TP63: variants seen among roughly 807,000 people sequenced by gnomAD.
TP63 encodes tumor protein p63, also known as tumor protein 63.
TP63 carries 17 observed loss-of-function variants against 82.8 expected under a neutral mutation model. The observed-to-expected ratio is 0.21, with a 90% CI of 0.14 to 0.31. TP63 has a LOEUF of 0.31. TP63 is among the 10% of genes least tolerant of loss of function. The pLI, the probability that TP63 is intolerant of heterozygous loss-of-function variation, is 1.00. For synonymous variants in TP63, 330 were observed against 321.7 expected (o/e 1.03, Z -0.28); for missense variants, 648 against 895.3 (o/e 0.72, Z 3.52).
intron 1 of TP63, among the ~76,000 whole-genome samples, chr3:189,734,161 TCCC>T (rs1560143789): frequency 3.0e-5 from 2 of 65,912 alleles, no homozygotes; most frequent in Admixed American, 1.7e-4. Context: ...CCTCCCTCCC[TCCC>T]TCCCTTCTTT....
chr3:189,765,499 G>GA (rs1340759387), intron 3 of TP63, among the ~76,000 whole-genome samples: 1 of 127,418 alleles, frequency 7.8e-6, no homozygotes, highest in Non-Finnish European at 1.6e-5. Context: ...GCAGTGGGGG[G>GA]ATCTTGGCTC....
chr3:189,839,069 A>AAGAAAAAGTAGATTTAAGTATACCAATG (rs1713599625), intron 4 of TP63, among the ~76,000 whole-genome samples: 1 of 151,404 alleles, frequency 6.6e-6, no homozygotes, highest in Non-Finnish European at 1.5e-5. Context: ...AAAAAAGAAA[A>AAGAAAAAGTAGATTTAAGTATACCAATG]AGAAAAAGTA....
chr3:189,627,877 G>A (rs1343469318), upstream of TP63, among the ~76,000 whole-genome samples: 4 of 152,144 alleles, frequency 2.6e-5, no homozygotes, highest in Admixed American at 2.6e-4. Flanking sequence ...TTCATTGTAT[G>A]TAAATTATAC....
At chr3:189,716,362 T>G (rs993559478) in intron 1 of TP63, among the ~76,000 whole-genome samples, 1 of 152,204 alleles carries the variant, frequency 6.6e-6, no homozygotes, top group Non-Finnish European at 1.5e-5. Context: ...CCATAAAATT[T>G]GTTTAGATTC....
chr3:189,698,966 A>G (rs559844335), intron 1 of TP63, among the ~76,000 whole-genome samples: 2 of 152,298 alleles, frequency 1.3e-5, no homozygotes, highest in South Asian at 2.1e-4. Context: ...CATGAATGCA[A>G]GTATATTGAG....
intron 10 of TP63, among the ~76,000 whole-genome samples, chr3:189,875,844 A>G (rs1045045849): frequency 2.6e-5 from 4 of 151,410 alleles, no homozygotes; most frequent in African/African-American, 9.7e-5. Flanking sequence ...ATAAAAAGCA[A>G]CACCAGCCTT....
intron 3 of TP63, among the ~76,000 whole-genome samples, chr3:189,787,519 T>G (rs200805630): frequency 1.0e-5 from 1 of 97,040 alleles, no homozygotes; most frequent in Non-Finnish European, 2.8e-5. Flanking sequence ...CCAGAATCTT[T>G]GTAGATATGT....
the TP63 span, among the ~76,000 whole-genome samples, chr3:189,604,934 C>T: frequency 6.6e-6 from 1 of 152,158 alleles, no homozygotes; most frequent in Admixed American, 6.5e-5. Context: ...AAAGAAGTGG[C>T]AGGGCTTTCT....
chr3:189,645,469 A>AT (rs147789307), intron 1 of TP63: 83 of 235,182 alleles, frequency 3.5e-4, no homozygotes, highest in East Asian at 4.6e-4. Context: ...TCTTTTTTAA[A>AT]TTTTTTTTTA....
chr3:189,768,118 C>G (rs939194011), intron 3 of TP63, among the ~76,000 whole-genome samples: 2 of 152,058 alleles, frequency 1.3e-5, no homozygotes, highest in African/African-American at 4.8e-5. Context: ...AATAACTAAC[C>G]ATCTCTAGGT....
At chr3:189,667,036 A>AC (rs1714451934) in intron 1 of TP63, among the ~76,000 whole-genome samples, 1 of 151,754 alleles carries the variant, frequency 6.6e-6, no homozygotes, top group Non-Finnish European at 1.5e-5. Flanking sequence ...AAAAAAAAAA[A>AC]AAAAACTCAT....
intron 10 of TP63, chr3:189,880,261 G>T (rs1719768798): frequency 6.8e-7 from 1 of 1,477,090 alleles, no homozygotes; most frequent in South Asian, 1.5e-5. Flanking sequence ...GTGTGCGTGT[G>T]TATCTAGCCC....
chr3:189,655,519 G>T (rs546157817), intron 1 of TP63, among the ~76,000 whole-genome samples: 54 of 152,300 alleles, frequency 3.5e-4, no homozygotes, highest in Admixed American at 7.2e-4. Context: ...CTACTTGGGA[G>T]GCTGAGGAAA....
chr3:189,887,006 C>T (rs113669423), intron 11 of TP63, among the ~76,000 whole-genome samples: 5 of 151,922 alleles, frequency 3.3e-5, no homozygotes, highest in African/African-American at 1.2e-4. Context: ...GTCAGGAGTT[C>T]GAGACCAACC....
rs2108653884 is a variant in TP63, at chr3:189,814,235, G to A, written c.579+5709G>A. 2.6e-5 allele frequency among the ~76,000 whole-genome samples: 4 copies of A among 152,328 alleles called. No homozygotes were observed. The South Asian group carries it at 8.3e-4, about 32-fold the overall frequency. On this transcript the variant is annotated intron_variant, in intron 4 of 13. Transcript: ENST00000264731. Reference sequence around the variant, plus strand: ...ACCCAGCCAATTGCGTGGCCCTCTGGAATTTAGAGACTCTTAAGAATAGCC... The same window carrying A: ...ACCCAGCCAATTGCGTGGCCCTCTGAAATTTAGAGACTCTTAAGAATAGCC...
intron 3 of TP63, among the ~76,000 whole-genome samples, chr3:189,749,701 A>G (rs186134565): frequency 8.7e-4 from 133 of 152,354 alleles, no homozygotes; most frequent in African/African-American, 3.0e-3. Context: ...AAAGGAAAAA[A>G]ATCAGTATAT....
chr3:189,702,628 G>A (rs1717897986), intron 1 of TP63, among the ~76,000 whole-genome samples: 2 of 152,212 alleles, frequency 1.3e-5, no homozygotes, highest in Non-Finnish European at 2.9e-5. Context: ...AGAGCCAGAG[G>A]GAAAAGTTGA....
chr3:189,682,546 AAAAAAAAATATATAT>A (rs1259287974), intron 1 of TP63, among the ~76,000 whole-genome samples: 7 of 37,794 alleles, frequency 1.9e-4, no homozygotes, highest in South Asian at 1.3e-3. Context: ...GAAAAAAAAA[AAAAAAAAATATATAT>A]ATATATATAT....
chr3:189,612,055 G>T, the TP63 span, among the ~76,000 whole-genome samples: 1 of 152,238 alleles, frequency 6.6e-6, no homozygotes, highest in East Asian at 1.9e-4. Flanking sequence ...TCTAGATATA[G>T]AATCATGTCA....
Sources: gnomAD v4.1 joint callset for allele counts (sites outside exome capture counted in the v4.1 genomes callset) on GRCh38, gnomAD v4.1.1 for gene constraint, MANE v1.5 for transcripts, NCBI Gene and HGNC (gene_info 2026-07-23, HGNC 2026-07-21) for gene names.